The following COL18A1 variants were observed in gnomAD, a reference collection of about 807,000 sequenced individuals.
COL18A1 encodes collagen type XVIII alpha 1 chain.
Under a neutral mutation model 168.0 loss-of-function variants are expected in COL18A1, and 133 were observed. The observed-to-expected ratio is 0.79, with a 90% CI of 0.69 to 0.91. The LOEUF is 0.91. COL18A1 is among the 40% of genes least tolerant of loss of function. The probability of loss-of-function intolerance (pLI) is 0.00; values close to 1 mark genes in which losing one functional copy is unlikely to be tolerated. For synonymous variants in COL18A1, 949 were observed against 809.0 expected, an observed-to-expected ratio of 1.17 and a Z score of -2.94; for missense variants, 2,126 against 1,925.4, an observed-to-expected ratio of 1.10 and a Z score of -1.95.
At chr21:45,511,050 ACACCCACACC>A (rs2037573328) in intron 40 of COL18A1, 51 bp from the exon 41 acceptor site, 6 of 467,702 alleles carry the variant, frequency 1.3e-5, no homozygotes, top group Non-Finnish European at 2.2e-5. Context: ...CCCCCCACAA[ACACCCACACC>A]CATCCACACC....
chr21:45,493,433 G>A (rs2036427900), intron 25 of COL18A1, 68 bp from the exon 26 acceptor site: 7 of 1,447,104 alleles, frequency 4.8e-6, no homozygotes, highest in Middle Eastern at 1.7e-4. Context: ...CCCTGCCTTC[G>A]GGGCTCTGGG....
At chr21:45,487,126 T>C (rs553020289) in intron 16 of COL18A1, 134 bp downstream of exon 16, 30 of 916,682 alleles carry the variant, frequency 3.3e-5, no homozygotes, top group Admixed American at 2.6e-4. Flanking sequence ...CATCCTGGGA[T>C]TCCATATTCC....
chr21:45,464,095 A>G (rs916889347), intron 2 of COL18A1, among the ~76,000 whole-genome samples: 1 of 152,160 alleles, frequency 6.6e-6, no homozygotes, highest in Non-Finnish European at 1.5e-5. Flanking sequence ...GGAAGCCTCT[A>G]GCTCTCAGGA....
At position 45,498,270 on chromosome 21, in the gene COL18A1, A is replaced by G. The variant is rs1253912876; in HGVS notation, c.2683+609A>G. 1.8e-5 allele frequency: 13 copies of G among 706,626 alleles called. No homozygotes were observed. Among genetic ancestry groups the G allele is most frequent in the Non-Finnish European group, 3.1e-5 (12 of 384,724 alleles). The allele number at this position is 706,626 out of a possible 1,614,324, so 43.8% of individuals were successfully genotyped here. ...GAGCAGAAGCCCAGAGAGCCAGGCT[A>G]GCCTCGGGCGCCTTTCACCACCAGG... On this transcript the variant is annotated intron_variant, in intron 32 of 41. Transcript: ENST00000651438. The surrounding 1 kb of genome is among the most constrained non-coding windows in gnomAD (Gnocchi z 4.5).
At chr21:45,477,674 A>AG (rs2035726292) in intron 7 of COL18A1, 76 bp from the exon 8 acceptor site, 1 of 1,394,496 alleles carries the variant, frequency 7.2e-7, no homozygotes, top group Non-Finnish European at 9.8e-7. Flanking sequence ...GGGACTCTGG[A>AG]GGGCGCAGCG....
rs138191311 is a variant in COL18A1, at chr21:45,437,103, GCACA to G, written c.107-31133_107-31130del. On this transcript the variant is annotated intron_variant, in intron 2 of 41. Transcript: ENST00000651438. Reference sequence around the variant, plus strand: ...CACAGCATCACACAGGCACTCTCCTGCACACACACTCACACACAGACACACAGGC... The same window carrying G: ...CACAGCATCACACAGGCACTCTCCTGCACACTCACACACAGACACACAGGC... Among the ~76,000 whole-genome samples, 89 of 114,616 alleles carry G rather than the reference GCACA, an allele frequency of 7.8e-4. 4 individuals are homozygous for G. Among genetic ancestry groups the G allele is most frequent in the Non-Finnish European group, 9.8e-4 (56 of 57,278 alleles). The allele number at this position is 114,616 out of a possible 152,430, so 75.2% of individuals were successfully genotyped here.
intron 4 of COL18A1, among the ~76,000 whole-genome samples, chr21:45,475,150 C>G (rs1602477844): frequency 6.6e-6 from 1 of 152,336 alleles, no homozygotes; most frequent in South Asian, 2.1e-4. Flanking sequence ...GCGGTGCGGC[C>G]TCCTCCAGGG....
rs555914702 is a variant in COL18A1, at chr21:45,492,792, G to C, written c.2214+79G>C. 2.7e-6 allele frequency: 3 copies of C among 1,117,020 alleles called. No individual in the cohort carries two copies. The East Asian group carries it at 7.0e-5, about 26-fold the overall frequency. The allele number at this position is 1,117,020 out of a possible 1,614,324, so 69.2% of individuals were successfully genotyped here. A position where few individuals can be genotyped will look rare whatever the true frequency, so the allele number is the denominator to read the frequency against. On this transcript the variant is annotated intron_variant, in intron 24 of 41. Transcript: ENST00000651438. ...CCTGGTAGCACAGAGCAGCCCGGTC[G>C]AGCTGGGGTGGGCCTTGTCAGGCCC...
At chr21:45,495,265 G>A in intron 28 of COL18A1, 93 bp from the exon 29 acceptor site, 5 of 1,071,752 alleles carry the variant, frequency 4.7e-6, no homozygotes, top group Non-Finnish European at 7.0e-6. Flanking sequence ...GGGCCGGCCG[G>A]GCCTGGCGTG....
chr21:45,411,837 ATTTACACACAGC>A (rs2033307476), intron 2 of COL18A1, among the ~76,000 whole-genome samples: 1 of 148,652 alleles, frequency 6.7e-6, no homozygotes, highest in South Asian at 2.1e-4. Flanking sequence ...GGCGACGTTC[ATTTACACACAGC>A]TCTGCGGCCC....
chr21:45,411,990 C>T (rs181331021), intron 2 of COL18A1, among the ~76,000 whole-genome samples: 1,534 of 152,248 alleles, frequency 0.01, 114 homozygotes, highest in Admixed American at 0.095. Context: ...AAGGGGCCGT[C>T]GTGTTTCTCT....
rs111480875 is a variant in COL18A1 at position 45,501,851 on chromosome 21, A to C, written c.2684-2160A>C. 2.3e-4 allele frequency among the ~76,000 whole-genome samples: 22 copies of C among 94,260 alleles called. 1 individual carries two copies. The highest frequency in any genetic ancestry group is 4.0e-4 in the Non-Finnish European group (17 of 42,244). The allele number at this position is 94,260 out of a possible 152,430, so 61.8% of individuals were successfully genotyped here. A position where few individuals can be genotyped will look rare whatever the true frequency, so the allele number is the denominator to read the frequency against. On this transcript the variant is annotated intron_variant, in intron 32 of 41. Transcript: ENST00000651438. ...TCCACAGCCGGTCACCTCCCTCTGC[A>C]GAAGGACCCCCAGGGGCTTCAAAGC...
intron 32 of COL18A1, among the ~76,000 whole-genome samples, chr21:45,500,581 G>A (rs2036744481): frequency 4.3e-5 from 1 of 23,404 alleles, no homozygotes. Flanking sequence ...GGTGTGGTTT[G>A]GTGTGTTGGG....
intron 2 of COL18A1, among the ~76,000 whole-genome samples, chr21:45,440,743 G>A (rs2034349137): frequency 6.6e-6 from 1 of 152,214 alleles, no homozygotes; most frequent in Non-Finnish European, 1.5e-5. Context: ...GGGGGTTTAT[G>A]TCACACCCTG....
In COL18A1 at chr21:45,443,908, G is replaced by A. The variant is rs1042860713; in HGVS notation, c.107-24334G>A. Among the ~76,000 whole-genome samples the A allele has an allele frequency of 6.6e-6, 1 of 152,152 alleles. No individual in the cohort carries two copies. Among genetic ancestry groups the A allele is most frequent in the African/African-American group, 2.4e-5 (1 of 41,432 alleles). On this transcript the variant is annotated intron_variant, in intron 2 of 41. Coordinates refer to ENST00000651438, the MANE Select transcript of COL18A1 (RefSeq NM_001379500.1). The surrounding 1 kb of genome is among the most constrained non-coding windows in gnomAD (Gnocchi z 5.2). ...CCTCCAGACTCCTAGGAAGGGGACCGTCCTCCCAGTGGCAGCCAGGACTGC... is the reference window on the plus strand; with the variant it reads ...CCTCCAGACTCCTAGGAAGGGGACCATCCTCCCAGTGGCAGCCAGGACTGC...
At position 45,443,422 on chromosome 21, in the gene COL18A1, C is replaced by G. The variant is rs2034434942; in HGVS notation, c.107-24820C>G. Reference sequence around the variant, plus strand: ...CACCAGCTTGAAAGGCCGCCCGTGCCTTTCCTCCTTGGCCCTCACAGCCCA... The same window carrying G: ...CACCAGCTTGAAAGGCCGCCCGTGCGTTTCCTCCTTGGCCCTCACAGCCCA... On this transcript the variant is annotated intron_variant, in intron 2 of 41. Coordinates refer to ENST00000651438, the MANE Select transcript of COL18A1 (RefSeq NM_001379500.1). This position sits in a 1 kb window ranked among gnomAD's most constrained non-coding sequence, Gnocchi z 5.2. Among the ~76,000 whole-genome samples, 1 of 152,142 alleles carries G rather than the reference C, an allele frequency of 6.6e-6. No homozygotes were observed. The highest frequency in any genetic ancestry group is 6.5e-5 in the Admixed American group (1 of 15,286).
At position 45,423,882 on chromosome 21, in the gene COL18A1, T is replaced by A. The variant is rs7281509; in HGVS notation, c.106+18409T>A. On this transcript the variant is annotated intron_variant, in intron 2 of 41. Coordinates refer to ENST00000651438, the MANE Select transcript of COL18A1 (RefSeq NM_001379500.1). This position sits in a 1 kb window ranked among gnomAD's most constrained non-coding sequence, Gnocchi z 4.0. ...CTGCAGTGTCCTGGGGGCAGAGGCC[T>A]GACGCACTCAGCTGCTCGCCCAGGG... 0.35 allele frequency: 54,005 copies of A among 152,180 alleles called. 11,243 individuals carry two copies. Among genetic ancestry groups the A allele is most frequent in the African/African-American group, 0.58 (24,150 of 41,476 alleles). The allele number at this position is 152,180 out of a possible 1,614,324, so 9.4% of individuals were successfully genotyped here.
At chr21:45,413,732 A>G (rs2033365172) in intron 2 of COL18A1, among the ~76,000 whole-genome samples, 1 of 152,030 alleles carries the variant, frequency 6.6e-6, no homozygotes, top group Admixed American at 6.6e-5. Flanking sequence ...GTCCCTGGGC[A>G]CTGAGGGAAG....
intron 2 of COL18A1, among the ~76,000 whole-genome samples, chr21:45,449,131 C>T (rs990786825): frequency 2.0e-5 from 3 of 152,234 alleles, no homozygotes; most frequent in Non-Finnish European, 4.4e-5. Context: ...CGCTGCCCGG[C>T]TCATGACCCT....
Sources: allele counts gnomAD v4.1 joint callset (sites outside exome capture counted in the v4.1 genomes callset), GRCh38; gene constraint gnomAD v4.1.1; non-coding constraint Gnocchi (gnomAD v3.1); transcripts MANE v1.5; gene names NCBI Gene and HGNC (gene_info 2026-07-23, HGNC 2026-07-21).